PRDM16: variants seen among roughly 807,000 people sequenced by gnomAD.
PRDM16 encodes the protein PR/SET domain 16.
Under a neutral mutation model 110.6 loss-of-function variants are expected in PRDM16, and 23 were observed. That is an observed-to-expected ratio of 0.21 (90% CI 0.15 to 0.29). The LOEUF is 0.29. Ranked by LOEUF, PRDM16 falls within the 10% of genes least tolerant of loss-of-function variation. The probability of loss-of-function intolerance (pLI) is 1.00; values close to 1 mark genes in which losing one functional copy is unlikely to be tolerated. For missense variants in PRDM16, 1,615 were observed against 1,794.3 expected (o/e 0.90, Z 1.81); for synonymous variants, 799 against 781.8 (o/e 1.02, Z -0.37).
In PRDM16 at chr1:3,235,165, C is replaced by T. The variant is rs183817900; in HGVS notation, c.388-8922C>T. On this transcript the variant is annotated intron_variant, in intron 2 of 16. Transcript: ENST00000270722. ...CTGGGGCCCTGCGAGGCCGCCCAGC[C>T]GCTCCAGGCCTTGGCTCTTTCATCT... 2.6e-4 allele frequency among the ~76,000 whole-genome samples: 40 copies of T among 152,356 alleles called. 1 individual carries two copies. The East Asian group carries it at 7.0e-3, about 27-fold the overall frequency.
intron 1 of PRDM16, among the ~76,000 whole-genome samples, chr1:3,156,184 C>T (rs962816824): frequency 6.6e-5 from 10 of 152,008 alleles, no homozygotes; most frequent in Non-Finnish European, 1.0e-4. Context: ...TACTTTGAGC[C>T]GTGATAGAAT....
intron 3 of PRDM16, among the ~76,000 whole-genome samples, chr1:3,354,327 G>T (rs983471724): frequency 6.6e-6 from 1 of 152,086 alleles, no homozygotes; most frequent in South Asian, 2.1e-4. Context: ...AGGCGTTGTG[G>T]TGCGTGTCTG....
Position 3,218,219 on chromosome 1 carries a change from C to T in PRDM16, c.388-25868C>T, listed in dbSNP as rs138126233. ...CAGGGCTCTTTCTTCCTCTCTGGTTCGTACTTCTCCTCTCTCATGGGGGTC... is the reference window on the plus strand; with the variant it reads ...CAGGGCTCTTTCTTCCTCTCTGGTTTGTACTTCTCCTCTCTCATGGGGGTC... On this transcript the variant is annotated intron_variant, in intron 2 of 16. Coordinates refer to ENST00000270722, the MANE Select transcript of PRDM16 (RefSeq NM_022114.4). 9.8e-5 allele frequency among the ~76,000 whole-genome samples: 15 copies of T among 152,372 alleles called. No individual in the cohort carries two copies. In the East Asian group the frequency reaches 2.1e-3, roughly 22 times the overall value.
Position 3,080,379 on chromosome 1 carries a change from G to A in PRDM16, c.37+11083G>A, listed in dbSNP as rs1641996461. Reference sequence around the variant, plus strand: ...CACGAAGCACCGGGGATTTACGGCCGACCCGCGCTTTCCGATCGGTTTCTC... The same window carrying A: ...CACGAAGCACCGGGGATTTACGGCCAACCCGCGCTTTCCGATCGGTTTCTC... On this transcript the variant is annotated intron_variant, in intron 1 of 16. Transcript: ENST00000270722. This position sits in a 1 kb window ranked among gnomAD's most constrained non-coding sequence, Gnocchi z 5.2. 6.6e-6 allele frequency among the ~76,000 whole-genome samples: 1 copy of A among 152,198 alleles called. No homozygotes were observed.
At chr1:3,375,148 G>A (rs781585417) in intron 3 of PRDM16, among the ~76,000 whole-genome samples, 3 of 152,210 alleles carry the variant, frequency 2.0e-5, no homozygotes, top group Non-Finnish European at 4.4e-5. Flanking sequence ...ACACTGTCAC[G>A]ATGAGGATGG....
intron 1 of PRDM16, among the ~76,000 whole-genome samples, chr1:3,149,750 C>G (rs1455903521): frequency 6.6e-6 from 1 of 152,236 alleles, no homozygotes; most frequent in Non-Finnish European, 1.5e-5. Context: ...TTGTTAATTA[C>G]CATTTCCTCC....
At chr1:3,076,573 T>C (rs998836380) in intron 1 of PRDM16, among the ~76,000 whole-genome samples, 2 of 152,194 alleles carry the variant, frequency 1.3e-5, no homozygotes, top group Non-Finnish European at 2.9e-5. Context: ...CACTGGAGCC[T>C]GGGGCTTCTC....
rs1642457540 is a variant in PRDM16 at position 3,350,320 on chromosome 1, T to C, written c.439-34832T>C. On this transcript the variant is annotated intron_variant, in intron 3 of 16. Coordinates refer to ENST00000270722, the MANE Select transcript of PRDM16 (RefSeq NM_022114.4). This position sits in a 1 kb window ranked among gnomAD's most constrained non-coding sequence, Gnocchi z 7.1. ...CAGCCTGGGCGAGAGAGTGAGACCC[T>C]GTCTCAAAAAAATGAAAAGAAAAGA... Among the ~76,000 whole-genome samples the C allele has an allele frequency of 6.6e-6, 1 of 152,004 alleles. No homozygotes were observed. The highest frequency in any genetic ancestry group is 2.1e-4 in the South Asian group (1 of 4,818).
intron 2 of PRDM16, among the ~76,000 whole-genome samples, chr1:3,188,762 C>G (rs74050166): frequency 6.6e-6 from 1 of 152,108 alleles, no homozygotes; most frequent in Non-Finnish European, 1.5e-5. Flanking sequence ...CCATGTGCGT[C>G]GGTGCCTTCG....
intron 7 of PRDM16, among the ~76,000 whole-genome samples, chr1:3,405,172 C>T (rs1378230736): frequency 1.3e-5 from 2 of 152,126 alleles, no homozygotes; most frequent in Admixed American, 6.5e-5. Flanking sequence ...AAGAGGCTGG[C>T]GGGGCTGAGC....
rs57169358 is a variant in PRDM16, at chr1:3,225,530, C to CTG, written c.388-18514_388-18513dup. Among the ~76,000 whole-genome samples, 646 of 139,104 alleles carry CTG rather than the reference C, an allele frequency of 4.6e-3. 5 individuals carry two copies. Among genetic ancestry groups the CTG allele is most frequent in the South Asian group, 6.5e-3 (26 of 4,024 alleles). The allele number at this position is 139,104 out of a possible 152,430, so 91.3% of individuals were successfully genotyped here. On this transcript the variant is annotated intron_variant, in intron 2 of 16. Coordinates refer to ENST00000270722, the MANE Select transcript of PRDM16 (RefSeq NM_022114.4). Reference sequence around the variant, plus strand: ...CCTGACCTGATGATGTGCAGCTTGCCTGTGTGTGTGTGTGTGTGTGTGTGT... The same window carrying CTG: ...CCTGACCTGATGATGTGCAGCTTGCCTGTGTGTGTGTGTGTGTGTGTGTGTGT...
chr1:3,074,365 C>A (rs1286087914), intron 1 of PRDM16, among the ~76,000 whole-genome samples: 1 of 152,166 alleles, frequency 6.6e-6, no homozygotes, highest in Non-Finnish European at 1.5e-5. Context: ...GCATTCCCCT[C>A]CCCCACAGAG....
At chr1:3,195,770 A>T (rs540222611) in intron 2 of PRDM16, among the ~76,000 whole-genome samples, 15 of 152,290 alleles carry the variant, frequency 9.8e-5, no homozygotes, top group South Asian at 2.1e-4. Flanking sequence ...AGGTCCCCCA[A>T]GGCTCCCTGT....
intron 3 of PRDM16, among the ~76,000 whole-genome samples, chr1:3,260,824 CGAT>C (rs896860752): frequency 3.4e-4 from 22 of 64,444 alleles, no homozygotes; most frequent in African/African-American, 1.1e-3. Flanking sequence ...TTGATGATGA[CGAT>C]GATGATGATG....
At chr1:3,323,677 G>C (rs1641816020) in intron 3 of PRDM16, among the ~76,000 whole-genome samples, 1 of 152,258 alleles carries the variant, frequency 6.6e-6, no homozygotes, top group Admixed American at 6.5e-5. Context: ...GGCCGGTGCT[G>C]GGAGCGGCCG....
chr1:3,150,122 C>G (rs943364838), intron 1 of PRDM16, among the ~76,000 whole-genome samples: 1 of 152,112 alleles, frequency 6.6e-6, no homozygotes, highest in Non-Finnish European at 1.5e-5. Context: ...GGAATCCCCC[C>G]GAACGCACAG....
intron 1 of PRDM16, among the ~76,000 whole-genome samples, chr1:3,114,124 C>T (rs577624415): frequency 2.0e-5 from 3 of 152,264 alleles, no homozygotes; most frequent in South Asian, 4.1e-4. Context: ...AGTAAGACAG[C>T]GGCGTGTATC....
At position 3,342,119 on chromosome 1, in the gene PRDM16, G is replaced by A. The variant is rs377204814; in HGVS notation, c.439-43033G>A. Among the ~76,000 whole-genome samples the A allele has an allele frequency of 2.1e-3, 325 of 152,300 alleles. 2 individuals are homozygous for A. The highest frequency in any genetic ancestry group is 7.5e-3 in the African/African-American group (310 of 41,556). ...ACCCAGGGTGCACGATGGCCTCTGAGAGGGGAGCCTCGTGCCGGCGTGGCT... is the reference window on the plus strand; with the variant it reads ...ACCCAGGGTGCACGATGGCCTCTGAAAGGGGAGCCTCGTGCCGGCGTGGCT... On this transcript the variant is annotated intron_variant, in intron 3 of 16. Coordinates refer to ENST00000270722, the MANE Select transcript of PRDM16 (RefSeq NM_022114.4).
At chr1:3,149,763 C>A (rs1490240534) in intron 1 of PRDM16, among the ~76,000 whole-genome samples, 1 of 152,254 alleles carries the variant, frequency 6.6e-6, no homozygotes. Flanking sequence ...TTTCCTCCAT[C>A]CATCCACCTT....
Sources: allele counts gnomAD v4.1 joint callset (sites outside exome capture counted in the v4.1 genomes callset), GRCh38; gene constraint gnomAD v4.1.1; non-coding constraint Gnocchi (gnomAD v3.1); transcripts MANE v1.5; gene names NCBI Gene and HGNC (gene_info 2026-07-23, HGNC 2026-07-21).